WDR45B: variants seen among roughly 807,000 people sequenced by gnomAD.
The protein encoded by WDR45B is WD repeat domain 45B.
A neutral mutation model predicts 44.6 loss-of-function variants in WDR45B; 20 were observed. The ratio of observed to expected loss-of-function variants is 0.45; its 90% confidence interval spans 0.32 to 0.65. WDR45B has a LOEUF of 0.65. Ranked by LOEUF, WDR45B falls within the 30% of genes least tolerant of loss-of-function variation. The pLI is 0.05. For missense variants in WDR45B, 323 were observed against 430.2 expected (o/e 0.75, Z 2.20); for synonymous variants, 169 against 164.9 (o/e 1.02, Z -0.19).
chr17:82,618,556 A>T lies in WDR45B; in HGVS notation c.704+487T>A, dbSNP rs571409851. The stretch of plus-strand genomic sequence containing the variant: ...TGAACCCAAGCCCGCCAGCCAGGGC[A>T]GCAGCGAGACCCCTCTACAAAAACA... On this transcript the variant is annotated intron_variant, in intron 7 of 9. Transcript: ENST00000392325. Among the ~76,000 whole-genome samples the T allele has an allele frequency of 2.0e-5, 3 of 152,264 alleles. No homozygotes were observed. The South Asian group carries it at 6.2e-4, about 32-fold the overall frequency.
At chr17:82,647,882 T>C (rs1324763946) in intron 1 of WDR45B, among the ~76,000 whole-genome samples, 2 of 151,404 alleles carry the variant, frequency 1.3e-5, no homozygotes, top group Non-Finnish European at 2.9e-5. Flanking sequence ...AAAATCCCGA[T>C]AACCGTGGAG....
chr17:82,622,085 G>C (rs1388941423), intron 5 of WDR45B, among the ~76,000 whole-genome samples: 3 of 151,818 alleles, frequency 2.0e-5, no homozygotes, highest in African/African-American at 7.3e-5. Flanking sequence ...CAAAATTAAC[G>C]ACTTTACCAA....
At chr17:82,629,830 T>C (rs1212543650) in intron 3 of WDR45B, 2 of 985,218 alleles carry the variant, frequency 2.0e-6, no homozygotes, top group African/African-American at 3.5e-5. Context: ...TGGGCTATTC[T>C]ATTCCTAAGT....
chr17:82,620,203 G>A (rs1455165584), intron 6 of WDR45B, among the ~76,000 whole-genome samples: 2 of 152,226 alleles, frequency 1.3e-5, no homozygotes, highest in Non-Finnish European at 2.9e-5. Context: ...GGAGGCTGAG[G>A]CGGGTGGATC....
chr17:82,646,495 A>AAAAAAAAAAAAAAAAAAG, intron 1 of WDR45B, among the ~76,000 whole-genome samples: 1 of 143,734 alleles, frequency 7.0e-6, no homozygotes, highest in African/African-American at 2.6e-5. Flanking sequence ...TCTCAAAAAA[A>AAAAAAAAAAAAAAAAAAG]AAAAAAAAAA....
rs913155540 is a variant in WDR45B at position 82,623,113 on chromosome 17, C to T, written c.428-1314G>A. Among the ~76,000 whole-genome samples, 4 of 152,256 alleles carry T rather than the reference C, an allele frequency of 2.6e-5. No individual in the cohort carries two copies. The East Asian group carries it at 7.7e-4, about 29-fold the overall frequency. On this transcript the variant is annotated intron_variant, in intron 5 of 9. Transcript: ENST00000392325. Reference sequence around the variant, plus strand: ...ACAACATATAAAGAATTCTTACGGCCGGGCACAGTGGCTCACGCCTGTAAT... The same window carrying T: ...ACAACATATAAAGAATTCTTACGGCTGGGCACAGTGGCTCACGCCTGTAAT...
chr17:82,626,726 C>T, intron 4 of WDR45B: 1 of 210,346 alleles, frequency 4.8e-6, no homozygotes, highest in South Asian at 7.9e-5. Flanking sequence ...GACAAACTTC[C>T]ATATTCCCCC....
intron 3 of WDR45B, among the ~76,000 whole-genome samples, chr17:82,628,904 C>T (rs903129807): frequency 4.6e-5 from 7 of 151,448 alleles, no homozygotes; most frequent in African/African-American, 1.2e-4. Context: ...GAGGCTGAGG[C>T]GGAAGGATCA....
At position 82,648,418 on chromosome 17, in the gene WDR45B, G is replaced by A. The variant is rs1248240088; in HGVS notation, c.-78C>T. 3.5e-5 allele frequency: 53 copies of A among 1,535,318 alleles called. No homozygotes were observed. The highest frequency in any genetic ancestry group is 5.6e-5 in the Admixed American group (3 of 53,358). ...GACGGCGGCCTGGTCCCTTCGGGCC[G>A]GCGCTGAGGCCGCCGCGGCCGGAAG... On this transcript the variant is annotated 5_prime_UTR_variant, in exon 1 of 10. Transcript: ENST00000392325.
chr17:82,616,473 G>GGAGC, intron 9 of WDR45B, 51 bp downstream of exon 9: 1 of 1,612,112 alleles, frequency 6.2e-7, no homozygotes, highest in Non-Finnish European at 8.5e-7. Context: ...CTCAGTGGAT[G>GGAGC]GAGCCCAGGT....
At chr17:82,628,215 A>C (rs966789015) in intron 3 of WDR45B, among the ~76,000 whole-genome samples, 12 of 152,126 alleles carry the variant, frequency 7.9e-5, no homozygotes, top group African/African-American at 2.9e-4. Context: ...CTGGTCTCGA[A>C]CTTCTGGGCT....
At position 82,648,416 on chromosome 17, in the gene WDR45B, C is replaced by CCGG. The variant is rs1402982298; in HGVS notation, c.-79_-77dup. ...GGGACGGCGGCCTGGTCCCTTCGGG[C>CCGG]CGGCGCTGAGGCCGCCGCGGCCGGA... On this transcript the variant is annotated 5_prime_UTR_variant, in exon 1 of 10. Coordinates refer to ENST00000392325, the MANE Select transcript of WDR45B (RefSeq NM_019613.4). 1.2e-5 allele frequency: 18 copies of CCGG among 1,550,338 alleles called. No individual in the cohort carries two copies. Among genetic ancestry groups the CCGG allele is most frequent in the Non-Finnish European group, 1.5e-5 (17 of 1,147,750 alleles).
chr17:82,626,915 G>A (rs368811954), intron 4 of WDR45B: 26 of 481,194 alleles, frequency 5.4e-5, no homozygotes, highest in South Asian at 8.3e-5. Context: ...TGCACATGTC[G>A]GAATGGGACA....
intron 2 of WDR45B, among the ~76,000 whole-genome samples, chr17:82,642,847 A>C (rs531000052): frequency 1.3e-5 from 2 of 152,300 alleles, no homozygotes; most frequent in East Asian, 3.9e-4. Context: ...TTCAACTTGG[A>C]CACCAACGTC....
In WDR45B at chr17:82,621,717, G is replaced by T. The variant is rs1257359425; in HGVS notation, c.510C>A (p.Asp170Glu). Residue 170 changes from aspartate to glutamate, a missense_variant, in exon 6 of 10, where the codon GAC becomes GAA. Asp to Glu is a conservative substitution (Grantham distance 45). Transcript: ENST00000392325. ...GTHTGHVQLV[D>E]LASTEKPPVD... is the part of the protein sequence containing the mutation. ...CGGGTGGCTTCTCCGTGCTGGCCAG[G>T]TCCACAAGCTGCACATGGCCCGTGT... 1 of 1,614,178 alleles carries T rather than the reference G, an allele frequency of 6.2e-7. No homozygotes were observed. The highest frequency in any genetic ancestry group is 2.2e-5 in the East Asian group (1 of 44,876).
At chr17:82,641,965 A>C (rs1261971021) in intron 2 of WDR45B, among the ~76,000 whole-genome samples, 1 of 152,142 alleles carries the variant, frequency 6.6e-6, no homozygotes, top group East Asian at 1.9e-4. Flanking sequence ...AGAAAAAAAA[A>C]ATCAAAGAAA....
At chr17:82,641,647 A>G (rs2045917272) in intron 2 of WDR45B, among the ~76,000 whole-genome samples, 1 of 152,204 alleles carries the variant, frequency 6.6e-6, no homozygotes. Flanking sequence ...CTGTAATCCC[A>G]GCACTTTGGG....
At chr17:82,646,077 C>T (rs1281745693) in intron 1 of WDR45B, among the ~76,000 whole-genome samples, 2 of 150,672 alleles carry the variant, frequency 1.3e-5, no homozygotes, top group African/African-American at 2.4e-5. Context: ...GCTGAGATCA[C>T]GCCACAGCAC....
chr17:82,636,936 C>G (rs907415104), intron 2 of WDR45B, among the ~76,000 whole-genome samples: 3 of 151,958 alleles, frequency 2.0e-5, no homozygotes, highest in African/African-American at 7.3e-5. Context: ...TGGGTCAGCT[C>G]AGATTGTGCA....
Sources: allele counts gnomAD v4.1 joint callset (sites outside exome capture counted in the v4.1 genomes callset), GRCh38; gene constraint gnomAD v4.1.1; transcripts MANE v1.5; gene names NCBI Gene and HGNC (gene_info 2026-07-23, HGNC 2026-07-21).